Variants in KIF15 observed in about 807,000 individuals in gnomAD.
KIF15 encodes kinesin-like protein KIF15.
A neutral mutation model predicts 190.6 loss-of-function variants in KIF15; 140 were observed. That is an observed-to-expected ratio of 0.73 (90% CI 0.64 to 0.84). The LOEUF (loss-of-function observed/expected upper bound fraction) is 0.84. KIF15 is among the 40% of genes least tolerant of loss of function. The probability of loss-of-function intolerance (pLI) is 0.00; values close to 1 mark genes in which losing one functional copy is unlikely to be tolerated. For synonymous variants in KIF15, 528 were observed against 551.3 expected, an observed-to-expected ratio of 0.96 and a Z score of 0.59; for missense variants, 1,372 against 1,584.4, an observed-to-expected ratio of 0.87 and a Z score of 2.28.
At chr3:44,865,258 T>C in intron 6 of KIF15, 1 of 1,578,176 alleles carries the variant, frequency 6.3e-7, no homozygotes, top group Non-Finnish European at 8.7e-7. Context: ...GACTGTATCC[T>C]AGGGCGATCC....
At chr3:44,837,022 G>C (rs1437396745) in intron 26 of KIF15, among the ~76,000 whole-genome samples, 2 of 152,162 alleles carry the variant, frequency 1.3e-5, no homozygotes, top group African/African-American at 4.8e-5. Context: ...TGTCTGGGAT[G>C]CCTGTTGGTT....
At chr3:44,832,284 G>T (rs1040454179) in intron 26 of KIF15, among the ~76,000 whole-genome samples, 1 of 152,208 alleles carries the variant, frequency 6.6e-6, no homozygotes, top group Non-Finnish European at 1.5e-5. Flanking sequence ...GACTGAGCCT[G>T]TGTAGTGAAG....
At chr3:44,773,380 C>T (rs1705728189) in intron 1 of KIF15, among the ~76,000 whole-genome samples, 1 of 152,160 alleles carries the variant, frequency 6.6e-6, no homozygotes, top group Non-Finnish European at 1.5e-5. Context: ...GCGGGAAACC[C>T]TGGCCAGCCA....
At chr3:44,784,974 G>A in intron 6 of KIF15, 32 bp downstream of exon 6, 1 of 1,179,346 alleles carries the variant, frequency 8.5e-7, no homozygotes, top group African/African-American at 1.5e-5. Flanking sequence ...GTGGTTCTAT[G>A]AAATGTCTAA....
intron 6 of KIF15, chr3:44,863,753 A>G (rs141513395): frequency 2.3e-5 from 4 of 174,026 alleles, no homozygotes; most frequent in Admixed American, 1.1e-4. Flanking sequence ...GGGGGTGGGA[A>G]TACAGAGCAG....
At chr3:44,807,764 A>C (rs1015921307) in intron 16 of KIF15, among the ~76,000 whole-genome samples, 2 of 152,004 alleles carry the variant, frequency 1.3e-5, no homozygotes, top group Non-Finnish European at 2.9e-5. Flanking sequence ...AGGGGAAAAA[A>C]TGTTCTCCCC....
At chr3:44,836,316 A>G (rs1055749677) in intron 26 of KIF15, among the ~76,000 whole-genome samples, 2 of 152,158 alleles carry the variant, frequency 1.3e-5, no homozygotes, top group Admixed American at 1.3e-4. Context: ...AGATCACGCC[A>G]CTGCACTCTA....
intron 26 of KIF15, among the ~76,000 whole-genome samples, chr3:44,837,964 CT>C (rs1470691617): frequency 6.6e-6 from 1 of 152,138 alleles, no homozygotes; most frequent in Non-Finnish European, 1.5e-5. Context: ...CCTTTGAGTC[CT>C]CCCCAGGAGA....
At chr3:44,858,648 C>T (rs984348787) in intron 6 of KIF15, among the ~76,000 whole-genome samples, 1 of 152,040 alleles carries the variant, frequency 6.6e-6, no homozygotes, top group African/African-American at 2.4e-5. Context: ...AATATTTCAG[C>T]CTAATAAGGG....
chr3:44,837,599 CAT>C (rs759426142), intron 26 of KIF15, among the ~76,000 whole-genome samples: 69 of 151,648 alleles, frequency 4.6e-4, no homozygotes, highest in Non-Finnish European at 7.9e-4. Flanking sequence ...TATGTACACA[CAT>C]ATATATGTGT....
chr3:44,830,243 G>A (rs778854659), intron 25 of KIF15, among the ~76,000 whole-genome samples, 168 bp downstream of exon 25: 7 of 152,170 alleles, frequency 4.6e-5, no homozygotes, highest in Non-Finnish European at 8.8e-5. Flanking sequence ...GACTTGCAGA[G>A]TCATTATGGA....
chr3:44,857,440 C>T (rs1559600132), downstream of KIF15, among the ~76,000 whole-genome samples: 1 of 152,160 alleles, frequency 6.6e-6, no homozygotes, highest in Non-Finnish European at 1.5e-5. Context: ...GTTGTTTGGA[C>T]AAAAAGGCTA....
At position 44,863,311 on chromosome 3, in the gene KIF15, C is replaced by T. The variant is rs1052399676; in HGVS notation, c.*60-10018C>T. 1.7e-5 allele frequency: 2 copies of T among 117,774 alleles called. 1 individual carries two copies. Among genetic ancestry groups the T allele is most frequent in the Non-Finnish European group, 3.9e-5 (2 of 50,800 alleles). The allele number at this position is 117,774 out of a possible 1,614,324, so 7.3% of individuals were successfully genotyped here. A position where few individuals can be genotyped will look rare whatever the true frequency, so the allele number is the denominator to read the frequency against. ...TATTTAGATTCCGCACCCCCCCCCC[C>T]CGCCGCCTTGTCTCCAGGCAGGTTT... On this transcript the variant is annotated intron_variant and NMD_transcript_variant, in intron 6 of 6. Coordinates refer to the KIF15 transcript ENST00000422209.
chr3:44,864,153 G>A (rs1699294288), intron 6 of KIF15: 1 of 1,610,528 alleles, frequency 6.2e-7, no homozygotes, highest in African/African-American at 1.3e-5. Flanking sequence ...TCTGCAGGTT[G>A]CTGCCCAGGG....
intron 6 of KIF15, chr3:44,863,825 C>T (rs971367046): frequency 8.9e-6 from 2 of 223,780 alleles, no homozygotes; most frequent in East Asian, 9.1e-5. Flanking sequence ...AGGCTTACTA[C>T]CTACGGAGTA....
chr3:44,792,250 T>C (rs62244227), intron 7 of KIF15, among the ~76,000 whole-genome samples: 90,448 of 151,532 alleles, frequency 0.6, 27,530 homozygotes, highest in East Asian at 0.89. Flanking sequence ...GCCAAGGTGG[T>C]GGATCACTTG....
chr3:44,852,199 T>G lies in KIF15; in HGVS notation c.3973-9T>G. The G allele has an allele frequency of 6.2e-7, 1 of 1,604,968 alleles. No individual in the cohort carries two copies. The highest frequency in any genetic ancestry group is 1.1e-5 in the South Asian group (1 of 90,234). On this transcript the variant is annotated splice_polypyrimidine_tract_variant and intron_variant, in intron 33 of 34. Coordinates refer to ENST00000326047, the MANE Select transcript of KIF15 (RefSeq NM_020242.3). The stretch of plus-strand genomic sequence containing the variant: ...CTCATTTTTCCCTCCTTGGATTGAT[T>G]ACCTGCAGGAGATGGAAATGTTAAG...
intron 7 of KIF15, among the ~76,000 whole-genome samples, chr3:44,787,926 C>T (rs887326826): frequency 6.6e-6 from 1 of 152,022 alleles, no homozygotes; most frequent in Non-Finnish European, 1.5e-5. Flanking sequence ...GCAATCTTGG[C>T]TCACTGCAAC....
intron 6 of KIF15, among the ~76,000 whole-genome samples, chr3:44,785,742 A>T (rs1575591071): frequency 6.6e-6 from 1 of 152,228 alleles, no homozygotes; most frequent in African/African-American, 2.4e-5. Context: ...TCGTTTGAAG[A>T]ACATAACACT....
Sources: gnomAD v4.1 joint callset for allele counts (sites outside exome capture counted in the v4.1 genomes callset) on GRCh38, gnomAD v4.1.1 for gene constraint, MANE v1.5 for transcripts, NCBI Gene and HGNC (gene_info 2026-07-23, HGNC 2026-07-21) for gene names.